Variants in CUBN observed in about 807,000 individuals in gnomAD.
CUBN encodes the protein 460 kDa receptor.
In CUBN, 282 loss-of-function variants were observed where a neutral mutation model predicts 405.3. The ratio of observed to expected loss-of-function variants is 0.70; its 90% CI spans 0.63 to 0.77. The LOEUF is 0.77. Among genes scored for constraint, CUBN ranks in the 30% least tolerant of loss-of-function variants. CUBN has a pLI of 0.00. For missense variants in CUBN, 4,514 were observed against 4,475.2 expected (o/e 1.01, Z -0.25); for synonymous variants, 1,684 against 1,617.0 (o/e 1.04, Z -0.99).
intron 28 of CUBN, among the ~76,000 whole-genome samples, chr10:16,997,168 G>A (rs1264905591): frequency 6.6e-6 from 1 of 152,200 alleles, no homozygotes; most frequent in Non-Finnish European, 1.5e-5. Context: ...GGGCGCAGTG[G>A]CTCATGCCTG....
intron 34 of CUBN, among the ~76,000 whole-genome samples, chr10:16,949,052 G>A (rs1048830919): frequency 5.3e-5 from 8 of 152,296 alleles, no homozygotes; most frequent in South Asian, 4.1e-4. Context: ...TACGTGCTTG[G>A]TGCCTCAGTT....
At chr10:16,832,770 G>C (rs1411673183) in intron 64 of CUBN, among the ~76,000 whole-genome samples, 1 of 152,184 alleles carries the variant, frequency 6.6e-6, no homozygotes, top group African/African-American at 2.4e-5. Context: ...CATGAAAACA[G>C]ATTCCAAGCA....
intron 28 of CUBN, among the ~76,000 whole-genome samples, chr10:17,010,832 T>A (rs111304679): frequency 2.6e-4 from 39 of 152,272 alleles, no homozygotes; most frequent in African/African-American, 8.4e-4. Flanking sequence ...TTAACAGACA[T>A]ACACTCAGAG....
intron 40 of CUBN, among the ~76,000 whole-genome samples, chr10:16,928,815 T>G (rs1842285028): frequency 6.6e-6 from 1 of 152,120 alleles, no homozygotes; most frequent in East Asian, 1.9e-4. Flanking sequence ...TTTACCCTTT[T>G]TGATAAAGAC....
At chr10:17,119,400 C>A (rs1440449934) in intron 6 of CUBN, among the ~76,000 whole-genome samples, 2 of 152,212 alleles carry the variant, frequency 1.3e-5, no homozygotes, top group Non-Finnish European at 2.9e-5. Context: ...TGGCTCACGC[C>A]TGTAATCCCA....
intron 57 of CUBN, 79 bp downstream of exon 57, chr10:16,876,818 A>G (rs1840517148): frequency 1.4e-5 from 17 of 1,202,180 alleles, no homozygotes; most frequent in Non-Finnish European, 2.1e-5. Context: ...TTAGTGCTGT[A>G]TGAATCGCAG....
In CUBN at chr10:16,900,843, A is replaced by G; in HGVS notation, c.8192T>C (p.Phe2731Ser). 1 of 1,611,790 alleles carries G rather than the reference A, an allele frequency of 6.2e-7. No homozygotes were observed. The highest frequency in any genetic ancestry group is 8.5e-7 in the Non-Finnish European group (1 of 1,178,412). Residue 2731 changes from phenylalanine to serine, a missense_variant, in exon 53 of 67, where the codon TTT becomes TCT. Phe to Ser is a radical substitution (Grantham distance 155, BLOSUM62 -2). Coordinates refer to ENST00000377833, the MANE Select transcript of CUBN (RefSeq NM_001081.4). Reference protein sequence around the residue: ...APQGHTITLTFSDFDIEPHTT... With the variant: ...APQGHTITLTSSDFDIEPHTT... ...ATGGGGTTCAATATCAAAGTCACTA[A>G]ATGTGAGCTGCAGGAGAAAAAAGAA...
intron 51 of CUBN, 90 bp from the exon 52 acceptor site, chr10:16,901,549 T>G: frequency 8.5e-6 from 13 of 1,535,766 alleles, no homozygotes; most frequent in Non-Finnish European, 1.2e-5. Context: ...AACCATCAGA[T>G]TTTGTGATTA....
rs752695825 is a variant in CUBN at position 16,824,951 on chromosome 10, G to C, written c.*24C>G. 3 of 1,541,826 alleles carry C rather than the reference G, an allele frequency of 1.9e-6. No homozygotes were observed. Among genetic ancestry groups the C allele is most frequent in the Non-Finnish European group, 2.7e-6 (3 of 1,114,522 alleles). On this transcript the variant is annotated 3_prime_UTR_variant, in exon 67 of 67. Coordinates refer to ENST00000377833, the MANE Select transcript of CUBN (RefSeq NM_001081.4). ...CAGCGTGCTGCAGAGGGAAAGTGCTGAGTGAACACGAGTTGTTACCCACTT... is the reference window on the plus strand; with the variant it reads ...CAGCGTGCTGCAGAGGGAAAGTGCTCAGTGAACACGAGTTGTTACCCACTT...
intron 2 of CUBN, among the ~76,000 whole-genome samples, chr10:17,128,198 C>G (rs113660330): frequency 2.0e-3 from 310 of 152,260 alleles, no homozygotes; most frequent in Non-Finnish European, 3.7e-3. Context: ...TATTAAGAAA[C>G]CTGGCTTGGA....
chr10:17,120,699 T>C (rs1438391617), intron 6 of CUBN, among the ~76,000 whole-genome samples: 1 of 152,198 alleles, frequency 6.6e-6, no homozygotes, highest in Non-Finnish European at 1.5e-5. Flanking sequence ...GAGTGGTAAA[T>C]AGTAAAAGGG....
At chr10:16,882,245 T>C (rs1840683201) in intron 56 of CUBN, among the ~76,000 whole-genome samples, 1 of 152,190 alleles carries the variant, frequency 6.6e-6, no homozygotes, top group African/African-American at 2.4e-5. Context: ...AGAGTCCACG[T>C]CATGGGACCG....
intron 28 of CUBN, among the ~76,000 whole-genome samples, chr10:17,016,502 C>T (rs192301636): frequency 1.3e-5 from 2 of 152,316 alleles, no homozygotes; most frequent in African/African-American, 4.8e-5. Context: ...CAAGATATCT[C>T]TTCAAGTGAG....
At chr10:16,961,108 C>A (rs1843205099) in intron 31 of CUBN, among the ~76,000 whole-genome samples, 1 of 151,950 alleles carries the variant, frequency 6.6e-6, no homozygotes, top group Admixed American at 6.6e-5. Flanking sequence ...AGGGTCTTAC[C>A]CTGTCACCCA....
rs10630720 is a variant in CUBN, at chr10:16,996,621, G to GTTT, written c.4169-6109_4169-6107dup. Among the ~76,000 whole-genome samples, 876 of 152,048 alleles carry GTTT rather than the reference G, an allele frequency of 5.8e-3. 6 individuals are homozygous for GTTT. The highest frequency in any genetic ancestry group is 9.2e-3 in the Non-Finnish European group (623 of 67,946). On this transcript the variant is annotated intron_variant, in intron 28 of 66. Transcript: ENST00000377833. ...ACTATCTTTAAGTTCGTATCTGTGT[G>GTTT]TTTTTAATAAGAGCTTTAATAAAAG...
chr10:17,109,851 A>G (rs1046969814), intron 9 of CUBN, 116 bp from the exon 10 acceptor site: 11 of 760,228 alleles, frequency 1.4e-5, no homozygotes, highest in Non-Finnish European at 1.9e-5. Flanking sequence ...TATCATCGAA[A>G]CAAAAAATAT....
Position 16,915,021 on chromosome 10 carries a change from A to G in CUBN, c.7351+11T>C. Reference sequence around the variant, plus strand: ...TGCTCAATGTTGTGTTGAATGAATCAATGAACTCACCTTCCATACTGGATT... The same window carrying G: ...TGCTCAATGTTGTGTTGAATGAATCGATGAACTCACCTTCCATACTGGATT... On this transcript the variant is annotated intron_variant, in intron 47 of 66. Transcript: ENST00000377833. 2 of 1,612,760 alleles carry G rather than the reference A, an allele frequency of 1.2e-6. No homozygotes were observed. The highest frequency in any genetic ancestry group is 1.7e-6 in the Non-Finnish European group (2 of 1,179,176).
Position 17,023,711 on chromosome 10 carries a change from T to C in CUBN, c.4018-3728A>G, listed in dbSNP as rs115949968. 1,137 of 427,818 alleles carry C rather than the reference T, an allele frequency of 2.7e-3. 15 individuals are homozygous for C. Among genetic ancestry groups the C allele is most frequent in the African/African-American group, 0.022 (1,067 of 49,376 alleles). The allele number at this position is 427,818 out of a possible 1,614,324, so 26.5% of individuals were successfully genotyped here. On this transcript the variant is annotated intron_variant, in intron 27 of 66. Coordinates refer to ENST00000377833, the MANE Select transcript of CUBN (RefSeq NM_001081.4). ...AAGATCTACTCAGAGTGAACAATAC[T>C]TGAAGTTCTAATTGAGTTACAGAAA...
intron 39 of CUBN, among the ~76,000 whole-genome samples, chr10:16,934,264 C>A (rs1421975688): frequency 6.6e-6 from 1 of 152,136 alleles, no homozygotes; most frequent in Non-Finnish European, 1.5e-5. Context: ...TTCCAGAGTT[C>A]TCAAAAAGTT....
Sources: gnomAD v4.1 joint callset for allele counts (sites outside exome capture counted in the v4.1 genomes callset) on GRCh38, gnomAD v4.1.1 for gene constraint, MANE v1.5 for transcripts, NCBI Gene and HGNC (gene_info 2026-07-23, HGNC 2026-07-21) for gene names.